The following LIN9 variants were observed in gnomAD, a reference collection of about 807,000 sequenced individuals.
LIN9 encodes the protein lin-9 DREAM MuvB core complex component, also known as protein lin-9 homolog.
In LIN9, 18 loss-of-function variants were observed where a neutral mutation model predicts 78.0. The ratio of observed to expected loss-of-function variants is 0.23; its 90% confidence interval spans 0.16 to 0.34. The LOEUF (loss-of-function observed/expected upper bound fraction) is 0.34, where lower values mean the gene tolerates loss of function less well. LIN9 is among the 10% of genes least tolerant of loss of function. The pLI is 1.00. For missense variants in LIN9, 451 were observed against 644.1 expected, an observed-to-expected ratio of 0.70 and a Z score of 3.25; for synonymous variants, 192 against 215.2, an observed-to-expected ratio of 0.89 and a Z score of 0.94.
chr1:226,296,853 T>C (rs1343292322), intron 3 of LIN9, among the ~76,000 whole-genome samples: 1 of 151,822 alleles, frequency 6.6e-6, no homozygotes, highest in African/African-American at 2.4e-5. Flanking sequence ...AGACCCCATC[T>C]CTACAAAAAA....
In LIN9 at chr1:226,238,089, C is replaced by G. The variant is rs76511486; in HGVS notation, c.1245+882G>C. ...AATTCTTACCCTGTAGTAGGAAACT[C>G]AAATTTTGGATGAAACTGTTGAACC... On this transcript the variant is annotated intron_variant, in intron 12 of 14. Coordinates refer to ENST00000681046, the MANE Select transcript of LIN9 (RefSeq NM_001366245.2). Among the ~76,000 whole-genome samples, 634 of 152,196 alleles carry G rather than the reference C, an allele frequency of 4.2e-3. 26 individuals are homozygous for G. In the South Asian group the frequency reaches 0.075, roughly 18 times the overall value.
chr1:226,268,987 G>A (rs2102918785), intron 7 of LIN9, among the ~76,000 whole-genome samples: 1 of 152,220 alleles, frequency 6.6e-6, no homozygotes, highest in Non-Finnish European at 1.5e-5. Context: ...TAGTAGTCTT[G>A]GAACTGATGA....
At chr1:226,255,260 T>G (rs1304098928) in intron 10 of LIN9, among the ~76,000 whole-genome samples, 2 of 152,124 alleles carry the variant, frequency 1.3e-5, no homozygotes, top group African/African-American at 4.8e-5. Context: ...GAAGGAAAAC[T>G]AACGATTTTG....
chr1:226,238,295 AC>A (rs1456393997), intron 12 of LIN9, among the ~76,000 whole-genome samples: 1 of 152,226 alleles, frequency 6.6e-6, no homozygotes, highest in Non-Finnish European at 1.5e-5. Flanking sequence ...AAAAACAAAA[AC>A]AAAAAAACAA....
At chr1:226,236,717 A>G (rs1441819996) in intron 12 of LIN9, among the ~76,000 whole-genome samples, 1 of 152,174 alleles carries the variant, frequency 6.6e-6, no homozygotes, top group Non-Finnish European at 1.5e-5. Context: ...TTGGCCTCCC[A>G]AAGTGCTGGG....
At chr1:226,237,725 A>G (rs1020478366) in intron 12 of LIN9, among the ~76,000 whole-genome samples, 8 of 151,446 alleles carry the variant, frequency 5.3e-5, no homozygotes, top group Non-Finnish European at 1.2e-4. Context: ...AGGAGGGCGG[A>G]TCACTTGAGG....
At chr1:226,309,184 G>A, upstream of LIN9, 1 of 1,443,422 alleles carries the variant, frequency 6.9e-7, no homozygotes. Context: ...CCGCCGCGGT[G>A]CATTGTGGGG....
rs1285231302 is a variant in LIN9 at position 226,297,897 on chromosome 1, CAT to C, written c.65-86_65-85del. On this transcript the variant is annotated intron_variant, in intron 2 of 14. Coordinates refer to ENST00000681046, the MANE Select transcript of LIN9 (RefSeq NM_001366245.2). Reference sequence around the variant, plus strand: ...TGAATACTGTTTTTTTCATAACAGCCATATATCTAAAATATTTAATATGGAAA... The same window carrying C: ...TGAATACTGTTTTTTTCATAACAGCCATATCTAAAATATTTAATATGGAAA... 6.4e-4 allele frequency: 353 copies of C among 550,934 alleles called. 1 individual carries two copies. The highest frequency in any genetic ancestry group is 1.2e-4 in the Non-Finnish European group (40 of 325,714). The allele number at this position is 550,934 out of a possible 1,614,324, so 34.1% of individuals were successfully genotyped here. A position where few individuals can be genotyped will look rare whatever the true frequency, so the allele number is the denominator to read the frequency against.
At position 226,231,714 on chromosome 1, in the gene LIN9, G is replaced by C. The variant is rs1385316450; in HGVS notation, c.*787C>G. The stretch of plus-strand genomic sequence containing the variant: ...ATAAACAAAAAAATATGAAAATAGT[G>C]TGTTATCATTTTTTTTTTAATAAAT... On this transcript the variant is annotated 3_prime_UTR_variant, in exon 15 of 15. Transcript: ENST00000681046. The C allele has an allele frequency of 6.5e-6, 1 of 153,954 alleles. No individual in the cohort carries two copies. The highest frequency in any genetic ancestry group is 1.4e-5 in the Non-Finnish European group (1 of 69,300). The allele number at this position is 153,954 out of a possible 1,614,324, so 9.5% of individuals were successfully genotyped here. A position where few individuals can be genotyped will look rare whatever the true frequency, so the allele number is the denominator to read the frequency against.
Sources: gnomAD v4.1 joint callset for allele counts (sites outside exome capture counted in the v4.1 genomes callset) on GRCh38, gnomAD v4.1.1 for gene constraint, MANE v1.5 for transcripts, NCBI Gene and HGNC (gene_info 2026-07-23, HGNC 2026-07-21) for gene names.